Variants in RUFY2 observed in about 807,000 individuals in gnomAD.
The protein encoded by RUFY2 is RUN and FYVE domain-containing protein 2.
RUFY2 carries 49 observed loss-of-function variants against 94.4 expected under a neutral mutation model. The ratio of observed to expected loss-of-function variants is 0.52; its 90% CI spans 0.41 to 0.66. The LOEUF is 0.66. RUFY2 is among the 30% of genes least tolerant of loss of function. The pLI, the probability that RUFY2 is intolerant of heterozygous loss-of-function variation, is 0.00. For missense variants in RUFY2, 541 were observed against 692.8 expected, an observed-to-expected ratio of 0.78 and a Z score of 2.46; for synonymous variants, 255 against 235.7, an observed-to-expected ratio of 1.08 and a Z score of -0.75.
intron 15 of RUFY2, among the ~76,000 whole-genome samples, chr10:68,361,957 T>C (rs771959004): frequency 4.6e-5 from 7 of 152,144 alleles, no homozygotes; most frequent in Non-Finnish European, 8.8e-5. Flanking sequence ...TCTAATCACA[T>C]AAAACATCAA....
intron 7 of RUFY2, among the ~76,000 whole-genome samples, chr10:68,390,113 A>G (rs1229867608): frequency 6.6e-6 from 1 of 152,208 alleles, no homozygotes; most frequent in Non-Finnish European, 1.5e-5. Flanking sequence ...AAGAAACACA[A>G]GCTTGCATTT....
At chr10:68,358,033 C>T (rs532494323) in intron 15 of RUFY2, among the ~76,000 whole-genome samples, 6 of 151,956 alleles carry the variant, frequency 3.9e-5, no homozygotes, top group Admixed American at 3.9e-4. Context: ...ATCAAAAATA[C>T]AAAAATTAGC....
Position 68,345,797 on chromosome 10 carries a change from T to C in RUFY2, c.1792A>G (p.Ile598Val). The C allele has an allele frequency of 6.2e-7, 1 of 1,613,656 alleles. No homozygotes were observed. The highest frequency in any genetic ancestry group is 8.5e-7 in the Non-Finnish European group (1 of 1,179,752). ...GGCAAGTTAGATGAGCATCTCTGAA[T>C]GAGCAGTGCATGACAGGAATCACAA... is the stretch of plus-strand genomic sequence containing the variant. Reference protein sequence around the residue: ...RVCDSCHALLIQRCSSNLP With the variant: ...RVCDSCHALLVQRCSSNLP The change falls in exon 18 of 18, where the codon ATT (isoleucine) becomes GTT (valine). Residue 598 changes from isoleucine to valine, a missense_variant. Ile to Val is a conservative substitution (Grantham distance 29). This residue lies in a region of RUFY2 where 403 missense variants were observed against 480.7 expected (regional missense o/e 0.84). Transcript: ENST00000602465.
At chr10:68,388,272 G>C (rs951969093) in intron 7 of RUFY2, among the ~76,000 whole-genome samples, 1 of 151,942 alleles carries the variant, frequency 6.6e-6, no homozygotes, top group African/African-American at 2.4e-5. Context: ...AGACCAGCCT[G>C]ACCAACATGG....
Position 68,376,935 on chromosome 10 carries a change from C to A in RUFY2, c.1243G>T (p.Asp415Tyr), listed in dbSNP as rs1016539666. 2 of 1,613,640 alleles carry A rather than the reference C, an allele frequency of 1.2e-6. No homozygotes were observed. Among genetic ancestry groups the A allele is most frequent in the Non-Finnish European group, 1.7e-6 (2 of 1,179,926 alleles). Residue 415 changes from aspartate to tyrosine, a missense_variant, in exon 13 of 18, where the codon GAT becomes TAT. By Grantham distance (160) the Asp-to-Tyr change is radical (BLOSUM62 -3). Around this residue, in one of 3 missense-constraint regions of RUFY2, gnomAD observed 403 missense variants for 480.7 expected, o/e 0.84. Transcript: ENST00000602465. ...TCTTGTAGATATTTCTCATCCTCAT[C>A]TTCAGCTTCCATTTGCGCCTTCTCT... The part of the protein sequence containing the change: ...QAEKAQMEAE[D>Y]EDEKYLQECL...
intron 16 of RUFY2, among the ~76,000 whole-genome samples, chr10:68,353,050 G>A (rs1395170323): frequency 6.7e-6 from 1 of 150,170 alleles, no homozygotes; most frequent in Non-Finnish European, 1.5e-5. Flanking sequence ...TTCAGAATAG[G>A]GGCTAGATGC....
At chr10:68,349,276 G>C (rs1057185684) in intron 16 of RUFY2, among the ~76,000 whole-genome samples, 1 of 152,144 alleles carries the variant, frequency 6.6e-6, no homozygotes, top group African/African-American at 2.4e-5. Flanking sequence ...ACCACTTTGG[G>C]AGACTGAGAC....
intron 16 of RUFY2, among the ~76,000 whole-genome samples, chr10:68,354,050 G>T (rs1392026166): frequency 1.3e-5 from 2 of 152,076 alleles, no homozygotes; most frequent in Non-Finnish European, 2.9e-5. Context: ...AAAACTGGAA[G>T]TAGCTCCCTT....
At chr10:68,407,075 T>A in intron 1 of RUFY2, 111 bp downstream of exon 1, 1 of 1,491,518 alleles carries the variant, frequency 6.7e-7, no homozygotes, top group Non-Finnish European at 8.9e-7. Flanking sequence ...CGGGCCCCAG[T>A]TCCGACTGGC....
In RUFY2 at chr10:68,376,864, C is replaced by T. The variant is rs1053023438; in HGVS notation, c.1314G>A (p.Lys438=). 1.2e-6 allele frequency: 2 copies of T among 1,613,582 alleles called. No homozygotes were observed. The highest frequency in any genetic ancestry group is 2.2e-5 in the South Asian group (2 of 91,056). ...AGTGAAATACTCACAGCTGTTTCTC[C>T]TTTTGGGAGATTTGTTTCTGCAGAC... ...SDSLQKQISQ[K]EKQLVQLETD... The change falls in exon 13 of 18, where the codon AAG becomes AAA. Residue 438 remains lysine, a synonymous_variant. Transcript: ENST00000602465.
chr10:68,355,300 T>C (rs2046967367), intron 16 of RUFY2, 53 bp downstream of exon 16: 1 of 1,276,718 alleles, frequency 7.8e-7, no homozygotes, highest in African/African-American at 1.5e-5. Flanking sequence ...GGGCATTACC[T>C]TCCATTGGAG....
Position 68,401,597 on chromosome 10 carries a change from G to A in RUFY2, c.296+23C>T, listed in dbSNP as rs1450436772. 2.1e-6 allele frequency: 3 copies of A among 1,418,866 alleles called. No individual in the cohort carries two copies. The Admixed American group carries it at 5.0e-5, about 24-fold the overall frequency. The allele number at this position is 1,418,866 out of a possible 1,614,324, so 87.9% of individuals were successfully genotyped here. On this transcript the variant is annotated intron_variant, in intron 3 of 17. Transcript: ENST00000602465. ...TGAATACACTTCTGTGGCTAGGGATGAACAAGTAATAGGCCTCCTTACTTC... is the reference window on the plus strand; with the variant it reads ...TGAATACACTTCTGTGGCTAGGGATAAACAAGTAATAGGCCTCCTTACTTC...
chr10:68,373,093 G>C (rs915419391), intron 13 of RUFY2, among the ~76,000 whole-genome samples: 12 of 152,058 alleles, frequency 7.9e-5, no homozygotes, highest in African/African-American at 2.9e-4. Flanking sequence ...AGATAATTAA[G>C]CAAATTATAT....
intron 16 of RUFY2, among the ~76,000 whole-genome samples, chr10:68,352,664 C>T (rs938011955): frequency 7.9e-5 from 12 of 152,152 alleles, no homozygotes; most frequent in Admixed American, 6.5e-5. Flanking sequence ...GGCACGGTGG[C>T]TCACACCTGT....
At chr10:68,392,926 C>CAAA (rs11432211) in intron 7 of RUFY2, among the ~76,000 whole-genome samples, 5 of 78,552 alleles carry the variant, frequency 6.4e-5, no homozygotes, top group African/African-American at 8.3e-5. Flanking sequence ...GACTTCATCT[C>CAAA]AAAAAAAAAA....
intron 13 of RUFY2, among the ~76,000 whole-genome samples, chr10:68,373,281 C>T (rs2048400203): frequency 6.6e-6 from 1 of 151,998 alleles, no homozygotes; most frequent in Admixed American, 6.6e-5. Context: ...ACAGATAAAT[C>T]AAAATGGAAT....
At chr10:68,385,280 T>C (rs575674081) in intron 8 of RUFY2, among the ~76,000 whole-genome samples, 1 of 151,064 alleles carries the variant, frequency 6.6e-6, no homozygotes, top group African/African-American at 2.4e-5. Context: ...AAAAAAAATT[T>C]AGGCTAATGA....
chr10:68,407,099 C>A (rs866061293), intron 1 of RUFY2, 87 bp downstream of exon 1: 18 of 1,513,758 alleles, frequency 1.2e-5, no homozygotes, highest in Middle Eastern at 1.8e-4. Context: ...CTCGGCGTCT[C>A]CCCCAGCTCC....
rs544496579 is a variant in RUFY2 at position 68,381,570 on chromosome 10, C to T, written c.940-171G>A. 3.2e-4 allele frequency among the ~76,000 whole-genome samples: 49 copies of T among 152,306 alleles called. 1 individual carries two copies. The highest frequency in any genetic ancestry group is 1.1e-3 in the African/African-American group (47 of 41,574). On this transcript the variant is annotated intron_variant, in intron 10 of 17. Coordinates refer to ENST00000602465, the MANE Select transcript of RUFY2 (RefSeq NM_001330103.2). ...AAATATTTTGAAATGCAGGGCCAGG[C>T]GCAGTGGCTCATACCTGTAATCCCA...
Sources: allele counts gnomAD v4.1 joint callset (sites outside exome capture counted in the v4.1 genomes callset), GRCh38; gene constraint gnomAD v4.1.1; regional missense constraint gnomAD v4.1.1; transcripts MANE v1.5; gene names NCBI Gene and HGNC (gene_info 2026-07-23, HGNC 2026-07-21).